Variants in MAD1L1 observed in about 807,000 individuals in gnomAD.
MAD1L1 encodes mitotic arrest deficient 1 like 1.
Under a neutral mutation model 96.9 loss-of-function variants are expected in MAD1L1, and 95 were observed. That is an observed-to-expected ratio of 0.98 (90% confidence interval 0.83 to 1.16). MAD1L1 has a LOEUF of 1.16. Ranked by LOEUF, MAD1L1 falls within the 50% of genes most tolerant of loss-of-function variation. MAD1L1 has a pLI of 0.00. For missense variants in MAD1L1, 1,007 were observed against 954.4 expected, an observed-to-expected ratio of 1.06 and a Z score of -0.73; for synonymous variants, 473 against 396.6, an observed-to-expected ratio of 1.19 and a Z score of -2.29.
intron 18 of MAD1L1, 87 bp from the exon 19 acceptor site, chr7:1,816,315 C>T: frequency 7.3e-7 from 1 of 1,364,472 alleles, no homozygotes; most frequent in Non-Finnish European, 1.0e-6. Flanking sequence ...GCCCCTCCAG[C>T]CATGGGGGCT....
chr7:2,034,155 G>A (rs1317438026), intron 12 of MAD1L1, among the ~76,000 whole-genome samples: 2 of 151,800 alleles, frequency 1.3e-5, no homozygotes, highest in Non-Finnish European at 2.9e-5. Flanking sequence ...GTCCAAGGAT[G>A]TTGCACACAT....
rs182011592 is a variant in MAD1L1, at chr7:1,822,272, T to C, written c.1999-6044A>G. Among the ~76,000 whole-genome samples the C allele has an allele frequency of 5.8e-3, 876 of 152,092 alleles. 6 individuals carry two copies. Among genetic ancestry groups the C allele is most frequent in the African/African-American group, 0.02 (812 of 41,498 alleles). On this transcript the variant is annotated intron_variant, in intron 18 of 18. Coordinates refer to ENST00000265854, the MANE Select transcript of MAD1L1 (RefSeq NM_001013836.2). Reference sequence around the variant, plus strand: ...TAACAAAAACTTGTATAGTGTCTGTTTGCAGAAAGTTAGGAAATACTGATG... The same window carrying C: ...TAACAAAAACTTGTATAGTGTCTGTCTGCAGAAAGTTAGGAAATACTGATG...
intron 10 of MAD1L1, among the ~76,000 whole-genome samples, chr7:2,178,060 T>A (rs1457225039): frequency 2.0e-5 from 3 of 152,228 alleles, no homozygotes; most frequent in Non-Finnish European, 4.4e-5. Flanking sequence ...CTAAATGAAC[T>A]GAAGAGGGAA....
chr7:1,979,529 C>A (rs898876043), intron 15 of MAD1L1, among the ~76,000 whole-genome samples: 4 of 152,266 alleles, frequency 2.6e-5, no homozygotes, highest in Non-Finnish European at 5.9e-5. Flanking sequence ...CAAAGCGGAG[C>A]CCGGAGCTCC....
chr7:2,230,148 C>T lies in MAD1L1; in HGVS notation c.-10-5G>A, dbSNP rs774606431. ...AGGTCTTCCATGGTTGCTTTCCTTC[C>T]GGGGACAGACAAAGGACTGGTCAGG... On this transcript the variant is annotated splice_polypyrimidine_tract_variant and splice_region_variant and intron_variant, in intron 2 of 18. Coordinates refer to ENST00000265854, the MANE Select transcript of MAD1L1 (RefSeq NM_001013836.2). 15 of 1,576,902 alleles carry T rather than the reference C, an allele frequency of 9.5e-6. No individual in the cohort carries two copies. Among genetic ancestry groups the T allele is most frequent in the South Asian group, 3.5e-5 (3 of 86,344 alleles).
At chr7:2,040,105 A>T (rs1432100187) in intron 12 of MAD1L1, among the ~76,000 whole-genome samples, 1 of 152,218 alleles carries the variant, frequency 6.6e-6, no homozygotes, top group Non-Finnish European at 1.5e-5. Flanking sequence ...TTCCAGAGAT[A>T]AAGGCTGTAA....
At chr7:1,873,470 C>A (rs1047593870) in intron 18 of MAD1L1, among the ~76,000 whole-genome samples, 2 of 151,828 alleles carry the variant, frequency 1.3e-5, no homozygotes, top group Non-Finnish European at 2.9e-5. Context: ...GGTGGGGAGC[C>A]CTGGTGGAGA....
chr7:2,112,357 TAAACCTAAGGG>T (rs1444892662), intron 11 of MAD1L1, among the ~76,000 whole-genome samples: 1 of 151,956 alleles, frequency 6.6e-6, no homozygotes. Flanking sequence ...CTCTAAGCGG[TAAACCTAAGGG>T]AACCACAAAC....
intron 10 of MAD1L1, among the ~76,000 whole-genome samples, chr7:2,194,743 T>TA (rs1791899040): frequency 1.3e-5 from 2 of 152,116 alleles, no homozygotes; most frequent in South Asian, 4.1e-4. Context: ...CCTAGCATAC[T>TA]AAATGATGAA....
intron 15 of MAD1L1, among the ~76,000 whole-genome samples, chr7:1,974,550 T>G (rs371467630): frequency 2.0e-5 from 3 of 152,218 alleles, no homozygotes; most frequent in Middle Eastern, 3.4e-3. Context: ...ACGAAGAGTA[T>G]AGCAACAAAT....
chr7:2,017,853 G>A (rs531249586), intron 12 of MAD1L1, among the ~76,000 whole-genome samples: 8 of 152,188 alleles, frequency 5.3e-5, no homozygotes, highest in Non-Finnish European at 1.2e-4. Flanking sequence ...AGCAGGGGCT[G>A]AGACAGTGGG....
chr7:1,989,655 C>A, intron 14 of MAD1L1, among the ~76,000 whole-genome samples: 1 of 151,898 alleles, frequency 6.6e-6, no homozygotes, highest in East Asian at 2.0e-4. Context: ...GGACCAGCCC[C>A]AGCGTGGACC....
At chr7:1,847,511 C>T (rs1429027899) in intron 18 of MAD1L1, 2 of 471,036 alleles carry the variant, frequency 4.2e-6, no homozygotes, top group African/African-American at 2.0e-5. Flanking sequence ...GGAAGCTCAG[C>T]TGGAAGGTTC....
chr7:1,927,878 C>T (rs1299130083), intron 17 of MAD1L1, among the ~76,000 whole-genome samples: 1 of 152,142 alleles, frequency 6.6e-6, no homozygotes, highest in Non-Finnish European at 1.5e-5. Context: ...AATGAAGAGG[C>T]TCGTCACGGG....
chr7:2,121,987 C>T (rs554336780), intron 11 of MAD1L1, among the ~76,000 whole-genome samples: 1 of 152,098 alleles, frequency 6.6e-6, no homozygotes, highest in African/African-American at 2.4e-5. Context: ...GGGGAAAAGA[C>T]CCTGGGTGTT....
intron 14 of MAD1L1, among the ~76,000 whole-genome samples, chr7:1,981,753 C>A (rs1189742514): frequency 6.6e-6 from 1 of 152,168 alleles, no homozygotes; most frequent in African/African-American, 2.4e-5. Flanking sequence ...GGGGACAACA[C>A]CCCCTGGGCT....
At chr7:2,102,716 C>T (rs1308829492) in intron 11 of MAD1L1, among the ~76,000 whole-genome samples, 1 of 151,910 alleles carries the variant, frequency 6.6e-6, no homozygotes, top group Non-Finnish European at 1.5e-5. Context: ...CACCAGCACT[C>T]TCACCACGTC....
chr7:2,153,471 T>C (rs1204409709), intron 10 of MAD1L1, among the ~76,000 whole-genome samples: 1 of 152,052 alleles, frequency 6.6e-6, no homozygotes, highest in Admixed American at 6.5e-5. Context: ...ATCGGGGGAA[T>C]TGCAAATCAA....
At chr7:1,874,416 C>G (rs191818443) in intron 18 of MAD1L1, 1 of 418,562 alleles carries the variant, frequency 2.4e-6, no homozygotes, top group Non-Finnish European at 4.7e-6. Context: ...GTGGCCAGGC[C>G]GTGACATCGA....
Sources: allele counts gnomAD v4.1 joint callset (sites outside exome capture counted in the v4.1 genomes callset), GRCh38; gene constraint gnomAD v4.1.1; transcripts MANE v1.5; gene names NCBI Gene and HGNC (gene_info 2026-07-23, HGNC 2026-07-21).